OIT3: variants seen among roughly 807,000 people sequenced by gnomAD.
The protein encoded by OIT3 is oncoprotein-induced transcript 3 protein.
OIT3 carries 41 observed loss-of-function variants against 52.2 expected under a neutral mutation model. The observed-to-expected ratio is 0.79, with a 90% CI of 0.61 to 1.02. The LOEUF (loss-of-function observed/expected upper bound fraction) is 1.02, where lower values mean the gene tolerates loss of function less well. OIT3 is among the 50% of genes least tolerant of loss of function. The probability of loss-of-function intolerance (pLI) is 0.00; values close to 1 mark genes in which losing one functional copy is unlikely to be tolerated. For missense variants in OIT3, 634 were observed against 715.5 expected (o/e 0.89, Z 1.30); for synonymous variants, 244 against 276.9 (o/e 0.88, Z 1.18).
intron 6 of OIT3, 60 bp downstream of exon 6, chr10:72,913,528 T>C (rs1254654314): frequency 2.2e-6 from 3 of 1,340,566 alleles, no homozygotes; most frequent in East Asian, 2.3e-5. Flanking sequence ...TGGGAGGCAG[T>C]GGACAGAGGT....
chr10:72,895,127 T>C (rs1845862818), intron 1 of OIT3, among the ~76,000 whole-genome samples: 1 of 152,102 alleles, frequency 6.6e-6, no homozygotes, highest in Non-Finnish European at 1.5e-5. Context: ...GGAAACTGGG[T>C]GTGGGGTATG....
At chr10:72,899,595 CAAAA>C (rs57434990) in intron 2 of OIT3, among the ~76,000 whole-genome samples, 2 of 88,968 alleles carry the variant, frequency 2.2e-5, no homozygotes, top group Admixed American at 1.4e-4. Flanking sequence ...GACTCTGATT[CAAAA>C]AAAAAAAAAA....
intron 6 of OIT3, among the ~76,000 whole-genome samples, chr10:72,918,717 G>A (rs1846096419): frequency 6.6e-6 from 1 of 152,128 alleles, no homozygotes; most frequent in Non-Finnish European, 1.5e-5. Flanking sequence ...CATATGGTTA[G>A]CCAGGTATCC....
At chr10:72,928,323 A>G (rs990542730) in intron 7 of OIT3, among the ~76,000 whole-genome samples, 1 of 152,214 alleles carries the variant, frequency 6.6e-6, no homozygotes. Flanking sequence ...TTTTGATTCC[A>G]TTATACCCTT....
chr10:72,930,487 C>A, intron 7 of OIT3, 51 bp from the exon 8 acceptor site: 1 of 1,346,600 alleles, frequency 7.4e-7, no homozygotes, highest in Non-Finnish European at 1.1e-6. Context: ...GATTGTTTTT[C>A]CACCTCTGTT....
At chr10:72,914,689 A>T (rs1172906843) in intron 6 of OIT3, among the ~76,000 whole-genome samples, 2 of 152,186 alleles carry the variant, frequency 1.3e-5, no homozygotes, top group African/African-American at 4.8e-5. Flanking sequence ...GAGTTCACAC[A>T]AGGTCATGCT....
intron 1 of OIT3, among the ~76,000 whole-genome samples, chr10:72,895,839 C>T (rs986367637): frequency 6.6e-6 from 1 of 152,116 alleles, no homozygotes; most frequent in African/African-American, 2.4e-5. Context: ...CTTTTTGAAG[C>T]CTTCGCACTG....
intron 1 of OIT3, among the ~76,000 whole-genome samples, chr10:72,897,475 A>T (rs1467717304): frequency 6.6e-6 from 1 of 152,222 alleles, no homozygotes. Flanking sequence ...GTGAATACAC[A>T]AAGTTCTTGG....
At chr10:72,919,490 T>C (rs940068753) in intron 6 of OIT3, among the ~76,000 whole-genome samples, 3 of 152,162 alleles carry the variant, frequency 2.0e-5, no homozygotes, top group Non-Finnish European at 4.4e-5. Context: ...CTATATTGAA[T>C]AGGAGTGGTG....
intron 3 of OIT3, among the ~76,000 whole-genome samples, chr10:72,901,258 G>T (rs1226537962): frequency 5.3e-5 from 8 of 152,120 alleles, no homozygotes; most frequent in African/African-American, 1.9e-4. Flanking sequence ...CACTGGTCTG[G>T]TCTAGAATTA....
chr10:72,932,291 T>G (rs2132953427), intron 8 of OIT3, 63 bp from the exon 9 acceptor site: 1 of 1,439,464 alleles, frequency 6.9e-7, no homozygotes, highest in South Asian at 1.2e-5. Context: ...TATTGTGTCT[T>G]GTAAGTGCCC....
At chr10:72,904,718 G>A (rs562227495) in intron 3 of OIT3, among the ~76,000 whole-genome samples, 25 of 152,146 alleles carry the variant, frequency 1.6e-4, no homozygotes, top group South Asian at 4.2e-4. Context: ...TAATTATCAC[G>A]ATAATGCTCT....
intron 6 of OIT3, among the ~76,000 whole-genome samples, chr10:72,917,308 GT>G (rs138433483): frequency 6.1e-5 from 9 of 148,310 alleles, no homozygotes; most frequent in African/African-American, 9.8e-5. Context: ...TACATTTAAG[GT>G]TTTTTTTTTA....
chr10:72,916,321 C>T (rs965281366), intron 6 of OIT3, among the ~76,000 whole-genome samples: 2 of 152,134 alleles, frequency 1.3e-5, no homozygotes, highest in Non-Finnish European at 2.9e-5. Flanking sequence ...TCTCTCCCCC[C>T]TCCTACCTTC....
At chr10:72,910,504 A>G (rs1417027944) in intron 4 of OIT3, among the ~76,000 whole-genome samples, 1 of 152,170 alleles carries the variant, frequency 6.6e-6, no homozygotes, top group African/African-American at 2.4e-5. Context: ...AAATACAAAA[A>G]CAAAAAACAA....
At chr10:72,906,369 G>A (rs941379303) in intron 3 of OIT3, among the ~76,000 whole-genome samples, 1 of 152,192 alleles carries the variant, frequency 6.6e-6, no homozygotes, top group Non-Finnish European at 1.5e-5. Flanking sequence ...TGAAGAGAAG[G>A]TAATTGGCAA....
In OIT3 at chr10:72,901,834, G is replaced by A. The variant is rs115296015; in HGVS notation, c.544+1350G>A. ...CGAAGCAAGAGGATTGCTTGAGGCCGAGTTTAAGACTAGCTTGGGCAACAT... is the reference window on the plus strand; with the variant it reads ...CGAAGCAAGAGGATTGCTTGAGGCCAAGTTTAAGACTAGCTTGGGCAACAT... On this transcript the variant is annotated intron_variant, in intron 3 of 8. Transcript: ENST00000334011. Among the ~76,000 whole-genome samples, 487 of 152,254 alleles carry A rather than the reference G, an allele frequency of 3.2e-3. 5 individuals are homozygous for A. The highest frequency in any genetic ancestry group is 0.011 in the African/African-American group (446 of 41,548).
chr10:72,899,140 C>G, intron 2 of OIT3, 102 bp downstream of exon 2: 1 of 994,794 alleles, frequency 1.0e-6, no homozygotes, highest in South Asian at 1.6e-5. Flanking sequence ...AACTATATCT[C>G]AATCTGAACA....
chr10:72,930,762 C>G, intron 8 of OIT3, 125 bp downstream of exon 8: 3 of 637,310 alleles, frequency 4.7e-6, no homozygotes, highest in Non-Finnish European at 2.7e-6. Context: ...AAGAGAAAAA[C>G]AGAGAAACTG....
Sources: gnomAD v4.1 joint callset for allele counts (sites outside exome capture counted in the v4.1 genomes callset) on GRCh38, gnomAD v4.1.1 for gene constraint, MANE v1.5 for transcripts, NCBI Gene and HGNC (gene_info 2026-07-23, HGNC 2026-07-21) for gene names.